Variants in SLC16A5 observed in about 807,000 individuals in gnomAD.
The protein encoded by SLC16A5 is monocarboxylate transporter 6.
Under a neutral mutation model 33.2 loss-of-function variants are expected in SLC16A5, and 29 were observed. The observed-to-expected ratio is 0.87, with a 90% CI of 0.65 to 1.19. The LOEUF (loss-of-function observed/expected upper bound fraction) is 1.19, where lower values mean the gene tolerates loss of function less well. Among genes scored for constraint, SLC16A5 ranks in the 50% most tolerant of loss-of-function variants. SLC16A5 has a pLI of 0.00. For missense variants in SLC16A5, 606 were observed against 678.2 expected (o/e 0.89, Z 1.18); for synonymous variants, 248 against 284.1 (o/e 0.87, Z 1.28).
At chr17:75,094,941 A>G (rs1052677075) in intron 3 of SLC16A5, among the ~76,000 whole-genome samples, 7 of 152,278 alleles carry the variant, frequency 4.6e-5, no homozygotes, top group Admixed American at 3.9e-4. Flanking sequence ...GTCGCCGTGG[A>G]CACAGGGACC....
chr17:75,109,031 A>AG (rs1364940745), downstream of SLC16A5, among the ~76,000 whole-genome samples: 8 of 152,312 alleles, frequency 5.3e-5, no homozygotes, highest in African/African-American at 1.9e-4. This position sits in a 1 kb window ranked among gnomAD's most constrained non-coding sequence, Gnocchi z 5.0. Context: ...TCACAGCCTA[A>AG]GCCACCTCTA....
intron 3 of SLC16A5, among the ~76,000 whole-genome samples, chr17:75,097,080 C>T (rs1287138630): frequency 6.6e-6 from 1 of 152,100 alleles, no homozygotes; most frequent in East Asian, 1.9e-4. Context: ...CCCACCTCGG[C>T]CTCCCAAAGT....
At position 75,106,161 on chromosome 17, in the gene SLC16A5, A is replaced by C; in HGVS notation, c.*128A>C. 1.9e-6 allele frequency: 1 copy of C among 514,214 alleles called. No individual in the cohort carries two copies. The highest frequency in any genetic ancestry group is 3.4e-6 in the Non-Finnish European group (1 of 292,628). 31.9% of individuals were successfully genotyped at this position (514,214 alleles called of 1,614,324 possible). On this transcript the variant is annotated 3_prime_UTR_variant, in exon 7 of 7. Transcript: ENST00000329783. ...AATAAAATTTAATTTTAAAAAAGAA[A>C]ACGTAGGAGGTTGGTTTGGATGAGC...
chr17:75,097,584 G>A (rs564147747), intron 3 of SLC16A5, among the ~76,000 whole-genome samples: 68 of 152,196 alleles, frequency 4.5e-4, no homozygotes, highest in South Asian at 4.1e-3. Flanking sequence ...AGGATGTTGG[G>A]TGTGGGGATG....
At chr17:75,109,349 C>T (rs1426668174), downstream of SLC16A5, among the ~76,000 whole-genome samples, 1 of 152,120 alleles carries the variant, frequency 6.6e-6, no homozygotes, top group Non-Finnish European at 1.5e-5. The surrounding 1 kb of genome is among the most constrained non-coding windows in gnomAD (Gnocchi z 5.0). Flanking sequence ...GGATGGAGGG[C>T]GGGTCGGGGT....
Position 75,092,426 on chromosome 17 carries a change from A to G in SLC16A5, c.-48-1163A>G, listed in dbSNP as rs2073652152. Among the ~76,000 whole-genome samples the G allele has an allele frequency of 3.4e-5, 5 of 148,758 alleles. No homozygotes were observed. In the South Asian group the frequency reaches 1.1e-3, roughly 31 times the overall value. ...GGCTGGAGTGCAGTGGCACGATCTC[A>G]GCTCACTGCAACCTCCGCCTCCTGG... On this transcript the variant is annotated intron_variant, in intron 2 of 6. Transcript: ENST00000329783.
rs1568007857 is a variant in SLC16A5 at position 75,100,436 on chromosome 17, TC to T, written c.775del (p.Leu259TrpfsTer29). 1 of 1,614,258 alleles carries T rather than the reference TC, an allele frequency of 6.2e-7. No individual in the cohort carries two copies. The highest frequency in any genetic ancestry group is 1.1e-5 in the South Asian group (1 of 91,090). ...SVLGFPLPQV[F>X]LVPYAMWHSV... is the part of the protein sequence containing the mutation. ...CTGGGCTTCCCACTGCCACAAGTCT[TC>T]CTGGTGCCATATGCCATGTGGCACA... On this transcript the variant is annotated frameshift_variant, in exon 5 of 7. Transcript: ENST00000329783. LOFTEE classifies it high-confidence loss of function.
At chr17:75,091,112 C>T (rs367722457) in intron 2 of SLC16A5, among the ~76,000 whole-genome samples, 89 of 152,182 alleles carry the variant, frequency 5.8e-4, no homozygotes, top group African/African-American at 2.1e-3. Flanking sequence ...AGTGCCAGGG[C>T]TAGGTGGCAG....
chr17:75,092,226 G>A (rs551910409), intron 2 of SLC16A5, among the ~76,000 whole-genome samples: 9 of 152,104 alleles, frequency 5.9e-5, no homozygotes, highest in East Asian at 1.9e-4. Context: ...GCCTCTGTGT[G>A]TGAGTTCGTA....
chr17:75,106,285 C>G (rs906323579), downstream of SLC16A5: 4 of 312,414 alleles, frequency 1.3e-5, no homozygotes, highest in Non-Finnish European at 1.8e-5. Flanking sequence ...GCCATCAATA[C>G]CACATGCTCT....
At chr17:75,097,406 T>C (rs971829416) in intron 3 of SLC16A5, among the ~76,000 whole-genome samples, 4 of 151,960 alleles carry the variant, frequency 2.6e-5, no homozygotes, top group Admixed American at 6.6e-5. Context: ...GCCAAACCTC[T>C]AGGTGCAGAC....
At chr17:75,095,370 C>T (rs1438723649) in intron 3 of SLC16A5, among the ~76,000 whole-genome samples, 1 of 152,200 alleles carries the variant, frequency 6.6e-6, no homozygotes, top group Non-Finnish European at 1.5e-5. Context: ...GCTCACCACC[C>T]CCAGCAGGCA....
downstream of SLC16A5, among the ~76,000 whole-genome samples, chr17:75,108,802 G>A (rs1336195871): frequency 6.7e-6 from 1 of 149,058 alleles, no homozygotes; most frequent in African/African-American, 2.4e-5. Flanking sequence ...CGGTTGCTGG[G>A]CAGATGGCCA....
At chr17:75,107,911 CG>C (rs1327805003), downstream of SLC16A5, among the ~76,000 whole-genome samples, 2 of 151,502 alleles carry the variant, frequency 1.3e-5, no homozygotes, top group Admixed American at 6.6e-5. Context: ...CACTCCAACC[CG>C]GGTGACAGAG....
chr17:75,093,781 A>G lies in SLC16A5; in HGVS notation c.145A>G (p.Asn49Asp), dbSNP rs1397664754. 1 of 1,614,164 alleles carries G rather than the reference A, an allele frequency of 6.2e-7. No individual in the cohort carries two copies. The highest frequency in any genetic ancestry group is 8.5e-7 in the Non-Finnish European group (1 of 1,180,008). ...ATTGCAATGGGAGTTCCAGGCCAGC[A>G]ACAGCGAGACCTCTTGGTTCCCCTC... The part of the protein sequence containing the change: ...TELQWEFQAS[N>D]SETSWFPSIL... Residue 49 changes from asparagine (N) to aspartate (D), a missense_variant, in exon 3 of 7, where the codon AAC becomes GAC. Coordinates refer to ENST00000329783, the MANE Select transcript of SLC16A5 (RefSeq NM_004695.4).
chr17:75,107,519 GACT>G (rs1433091359), downstream of SLC16A5, among the ~76,000 whole-genome samples: 1 of 152,058 alleles, frequency 6.6e-6, no homozygotes, highest in Non-Finnish European at 1.5e-5. Context: ...GAAGGGAGAA[GACT>G]GGCTGGGTGC....
In SLC16A5 at chr17:75,104,125, G is replaced by A. The variant is rs1434367461; in HGVS notation, c.1309G>A (p.Asp437Asn). 7 of 1,614,234 alleles carry A rather than the reference G, an allele frequency of 4.3e-6. No individual in the cohort carries two copies. The highest frequency in any genetic ancestry group is 3.3e-5 in the Admixed American group (2 of 60,018). Residue 437 changes from aspartate to asparagine, a missense_variant, in exon 6 of 7, where the codon GAT (aspartate) becomes AAT (asparagine). By Grantham distance (23) the Asp-to-Asn change is conservative. Coordinates refer to ENST00000329783, the MANE Select transcript of SLC16A5 (RefSeq NM_004695.4). ...TGTCGCGGCGGATGCCCTGGAGCGG[G>A]ATCTTTTCTTGGAAGCCAAAGACGG... ...QAVAADALER[D>N]LFLEAKDGPG...
rs1362162319 is a variant in SLC16A5 at position 75,098,044 on chromosome 17, T to C, written c.206T>C (p.Leu69Pro). 6.9e-6 allele frequency: 11 copies of C among 1,592,282 alleles called. No homozygotes were observed. Among genetic ancestry groups the C allele is most frequent in the Non-Finnish European group, 9.4e-6 (11 of 1,172,712 alleles). ...LTAVLHMAGP[L>P]CSILVGRFGC... The stretch of plus-strand genomic sequence containing the variant: ...TGGCTGTCTTCTCCCACAGGGCCCC[T>C]GTGCAGCATCCTGGTGGGACGCTTC... The change falls in exon 4 of 7, where the codon CTG (leucine) becomes CCG (proline). Residue 69 changes from leucine (L) to proline (P), a missense_variant. By Grantham distance (98) the Leu-to-Pro change is moderately conservative. Coordinates refer to ENST00000329783, the MANE Select transcript of SLC16A5 (RefSeq NM_004695.4).
rs748550899 is a variant in SLC16A5 at position 75,100,698 on chromosome 17, C to G, written c.1035C>G (p.Ile345Met). 1.9e-6 allele frequency: 3 copies of G among 1,614,056 alleles called. No homozygotes were observed. Among genetic ancestry groups the G allele is most frequent in the African/African-American group, 1.3e-5 (1 of 74,920 alleles). ...CLAYSVSMSG[I>M]GALIFQVLMD... ...CGTACAGCGTGTCCATGAGTGGCAT[C>G]GGCGCCCTCATCTTCCAGGTTCTCA... is the stretch of plus-strand genomic sequence containing the variant. The change falls in exon 5 of 7, where the codon ATC becomes ATG. Residue 345 changes from isoleucine to methionine, a missense_variant. Physicochemically the swap from Ile to Met is conservative, Grantham distance 10 (BLOSUM62 1). Coordinates refer to ENST00000329783, the MANE Select transcript of SLC16A5 (RefSeq NM_004695.4).
Sources: gnomAD v4.1 joint callset for allele counts (sites outside exome capture counted in the v4.1 genomes callset) on GRCh38, gnomAD v4.1.1 for gene constraint, Gnocchi (gnomAD v3.1) non-coding constraint, MANE v1.5 for transcripts, NCBI Gene and HGNC (gene_info 2026-07-23, HGNC 2026-07-21) for gene names.